The following PRSS33 variants were observed in gnomAD, a reference collection of about 807,000 sequenced individuals.
PRSS33 encodes the protein serine protease 33.
A neutral mutation model predicts 26.7 loss-of-function variants in PRSS33; 32 were observed. The ratio of observed to expected loss-of-function variants is 1.20; its 90% confidence interval spans 0.90 to 1.61. The LOEUF is 1.61. Among genes scored for constraint, PRSS33 ranks in the 40% most tolerant of loss-of-function variants. The pLI is 0.00. For synonymous variants in PRSS33, 192 were observed against 177.6 expected, an observed-to-expected ratio of 1.08 and a Z score of -0.64; for missense variants, 450 against 396.3, an observed-to-expected ratio of 1.14 and a Z score of -1.15.
Position 2,786,227 on chromosome 16 carries a change from G to A in PRSS33, c.47-106C>T, listed in dbSNP as rs1265854279. ...AAGGAGGGTGAAACAATGTTGCCCT[G>A]ACATTGCGCCAGGCTTTCGTGCCGT... On this transcript the variant is annotated intron_variant, in intron 2 of 6. Coordinates refer to ENST00000682474, the MANE Select transcript of PRSS33 (RefSeq NM_152891.3). 4.2e-5 allele frequency: 46 copies of A among 1,086,188 alleles called. 1 individual carries two copies. The highest frequency in any genetic ancestry group is 6.2e-5 in the Non-Finnish European group (44 of 707,054). 67.3% of individuals were successfully genotyped at this position (1,086,188 alleles called of 1,614,324 possible).
At position 2,785,038 on chromosome 16, in the gene PRSS33, A is replaced by C. The variant is rs774153655; in HGVS notation, c.648T>G (p.Cys216Trp). The change falls in exon 6 of 7, where the codon TGT (cysteine) becomes TGG (tryptophan). Residue 216 changes from cysteine to tryptophan, a missense_variant. Coordinates refer to ENST00000682474, the MANE Select transcript of PRSS33 (RefSeq NM_152891.3). ...AERIVLPGSL[C>W]AGYPQGHKDA... ...CCTTGTGGCCCTGGGGGTAGCCGGC[A>C]CACAGACTCCCAGGCAGCACAATGC... 4 of 1,591,050 alleles carry C rather than the reference A, an allele frequency of 2.5e-6. No individual in the cohort carries two copies. The East Asian group carries it at 9.1e-5, about 36-fold the overall frequency.
At chr16:2,785,269 C>A (rs866577680) in intron 5 of PRSS33, 98 bp from the exon 6 acceptor site, 1 of 1,446,674 alleles carries the variant, frequency 6.9e-7, no homozygotes, top group South Asian at 1.4e-5. Context: ...TCCCTAGAAG[C>A]CGCGCTGGGT....
At chr16:2,786,470 G>A (rs751389406) in intron 2 of PRSS33, 32 bp downstream of exon 2, 19 of 1,612,558 alleles carry the variant, frequency 1.2e-5, no homozygotes, top group Admixed American at 1.7e-5. Flanking sequence ...AGGTGTCTGC[G>A]GCCCTCACCC....
At position 2,787,089 on chromosome 16, in the gene PRSS33, C is replaced by T. The variant is rs144025321; in HGVS notation, c.-58+444G>A. Among the ~76,000 whole-genome samples, 94 of 22,102 alleles carry T rather than the reference C, an allele frequency of 4.3e-3. 2 individuals carry two copies. Among genetic ancestry groups the T allele is most frequent in the Non-Finnish European group, 6.7e-3 (73 of 10,866 alleles). 14.5% of individuals were successfully genotyped at this position (22,102 alleles called of 152,430 possible). On this transcript the variant is annotated intron_variant, in intron 1 of 6. Transcript: ENST00000682474. ...CCCCTGCTCCTCCTCACTCCCCTCC[C>T]TCATCCTCACCCCCTCCCTCATCCT...
chr16:2,786,642 C>G, intron 1 of PRSS33, 38 bp from the exon 2 acceptor site: 1 of 1,406,900 alleles, frequency 7.1e-7, no homozygotes, highest in Non-Finnish European at 9.9e-7. Context: ...AGTCCTGGCC[C>G]AGGGGCACCA....
chr16:2,786,247 T>A, intron 2 of PRSS33, 126 bp from the exon 3 acceptor site: 1 of 980,668 alleles, frequency 1.0e-6, no homozygotes, highest in Non-Finnish European at 1.6e-6. Flanking sequence ...CAGGCTTTCG[T>A]GCCGTCTGTT....
At chr16:2,785,769 A>AC in intron 4 of PRSS33, 30 bp downstream of exon 4, 4 of 1,554,316 alleles carry the variant, frequency 2.6e-6, no homozygotes, top group Non-Finnish European at 3.5e-6. Flanking sequence ...TTCCTTGCAC[A>AC]CCCCGCCTGG....
In PRSS33 at chr16:2,786,517, G is replaced by C; in HGVS notation, c.31C>G (p.Leu11Val). Residue 11 changes from leucine (L) to valine (V), a missense_variant, in exon 2 of 7, where the codon CTC becomes GTC. Physicochemically the swap from Leu to Val is conservative, Grantham distance 32. Transcript: ENST00000682474. ...CCCCACTCACCCAGCACCAGAAGGA[G>C]CAGGACCTGGAGACAGGAAACCCCT... MRGVSCLQVLLLLVLGAAGTQ... is the reference protein window; with the variant it reads MRGVSCLQVLVLLVLGAAGTQ... 1 of 1,613,400 alleles carries C rather than the reference G, an allele frequency of 6.2e-7. No homozygotes were observed. The highest frequency in any genetic ancestry group is 8.5e-7 in the Non-Finnish European group (1 of 1,179,730).
rs765928492 is a variant in PRSS33, at chr16:2,784,754, G to A, written c.733C>T (p.Leu245=). The A allele has an allele frequency of 3.1e-6, 5 of 1,609,068 alleles. No individual in the cohort carries two copies. The African/African-American group carries it at 4.0e-5, about 13-fold the overall frequency. The change falls in exon 7 of 7, where the codon CTG becomes TTG. Residue 245 remains leucine (L), a synonymous_variant. Transcript: ENST00000682474. ...LTCLQSGSWV[L]VGVVSWGKGC... ...TTGCCCCAGCTCACCACGCCCACCA[G>A]GACCCAGCTCCCAGACTGCAGGCAG...
rs2068875779 is a variant in PRSS33, at chr16:2,786,504, A to C, written c.44T>G (p.Leu15Arg). ...SCLQVLLLLVLGAAGTQGRKS... is the reference protein window; with the variant it reads ...SCLQVLLLLVRGAAGTQGRKS... ...CCCCAGTCCCTGTCCCCACTCACCC[A>C]GCACCAGAAGGAGCAGGACCTGGAG... Residue 15 changes from leucine to arginine, a missense_variant and splice_region_variant, in exon 2 of 7, where the codon CTG becomes CGG. Leu to Arg is a moderately radical substitution (Grantham distance 102). Coordinates refer to ENST00000682474, the MANE Select transcript of PRSS33 (RefSeq NM_152891.3). 6.2e-7 allele frequency: 1 copy of C among 1,613,046 alleles called. No homozygotes were observed. Among genetic ancestry groups the C allele is most frequent in the Non-Finnish European group, 8.5e-7 (1 of 1,179,596 alleles).
chr16:2,785,942 C>T lies in PRSS33; in HGVS notation c.99G>A (p.Met33Ile). 1 of 1,612,694 alleles carries T rather than the reference C, an allele frequency of 6.2e-7. No individual in the cohort carries two copies. Among genetic ancestry groups the T allele is most frequent in the South Asian group, 1.1e-5 (1 of 91,060 alleles). Residue 33 changes from methionine (M) to isoleucine (I), a missense_variant, in exon 4 of 7, where the codon ATG becomes ATA. Coordinates refer to ENST00000682474, the MANE Select transcript of PRSS33 (RefSeq NM_152891.3). ...CCCGGCCCCCAACGATCCGACTGGA[C>T]ATGCGGGGCTGCCCGCAGGCTAGAA... ...RKSAACGQPR[M>I]SSRIVGGRDG...
chr16:2,785,292 C>G, intron 5 of PRSS33, 83 bp downstream of exon 5: 1 of 1,445,096 alleles, frequency 6.9e-7, no homozygotes, highest in Non-Finnish European at 9.1e-7. Context: ...TGGATTGGGG[C>G]AGTGAGGGGC....
intron 5 of PRSS33, 33 bp downstream of exon 5, chr16:2,785,342 C>T (rs745401260): frequency 5.0e-5 from 73 of 1,448,324 alleles, no homozygotes; most frequent in Non-Finnish European, 6.0e-5. Context: ...TGGGGGCTCC[C>T]GGATGCCTCG....
In PRSS33 at chr16:2,785,775, C is replaced by G. The variant is rs946529783; in HGVS notation, c.242+24G>C. 20 of 1,567,210 alleles carry G rather than the reference C, an allele frequency of 1.3e-5. 2 individuals are homozygous for G. The highest frequency in any genetic ancestry group is 1.6e-5 in the Non-Finnish European group (19 of 1,163,718). On this transcript the variant is annotated intron_variant, in intron 4 of 6. Transcript: ENST00000682474. ...GGCCTTGCCTTCCTTGCACACCCCG[C>G]CTGGGCCCTCGGTGAGCGCTGACCT...
In PRSS33 at chr16:2,784,789, C is replaced by A; in HGVS notation, c.698G>T (p.Gly233Val). ...HKDACQGDSGGPLTCLQSGSW... is the reference protein window; with the variant it reads ...HKDACQGDSGVPLTCLQSGSW... ...CCCAGACTGCAGGCAGGTCAGAGGT[C>A]CCCCAGAATCACCCTGCAGGAGAAA... Residue 233 changes from glycine to valine, a missense_variant, in exon 7 of 7, where the codon GGA (glycine) becomes GTA (valine). Gly to Val is a moderately radical substitution (Grantham distance 109). Coordinates refer to ENST00000682474, the MANE Select transcript of PRSS33 (RefSeq NM_152891.3). The A allele has an allele frequency of 6.2e-7, 1 of 1,606,930 alleles. No individual in the cohort carries two copies. Among genetic ancestry groups the A allele is most frequent in the South Asian group, 1.1e-5 (1 of 89,824 alleles).
chr16:2,786,775 T>G, intron 1 of PRSS33, 171 bp from the exon 2 acceptor site: 1 of 502,348 alleles, frequency 2.0e-6, no homozygotes, highest in Non-Finnish European at 3.6e-6. Flanking sequence ...GGCCCAGGTA[T>G]GCAGCACCCA....
intron 6 of PRSS33, 21 bp downstream of exon 6, chr16:2,784,981 C>A (rs753990780): frequency 1.3e-6 from 2 of 1,593,858 alleles, no homozygotes; most frequent in East Asian, 2.3e-5. Flanking sequence ...ACTCCGGAGG[C>A]TGGGGAGGCT....
chr16:2,786,156 G>T (rs1287022540), intron 2 of PRSS33, 35 bp from the exon 3 acceptor site: 1 of 1,587,122 alleles, frequency 6.3e-7, no homozygotes, highest in East Asian at 2.2e-5. Flanking sequence ...CCAGATTATA[G>T]ATTTGGTGTC....
In PRSS33 at chr16:2,785,869, C is replaced by G; in HGVS notation, c.172G>C (p.Gly58Arg). 6.2e-7 allele frequency: 1 copy of G among 1,609,784 alleles called. No homozygotes were observed. The highest frequency in any genetic ancestry group is 1.1e-5 in the South Asian group (1 of 90,758). The change falls in exon 4 of 7, where the codon GGG (glycine) becomes CGG (arginine). Residue 58 changes from glycine to arginine, a missense_variant. Coordinates refer to ENST00000682474, the MANE Select transcript of PRSS33 (RefSeq NM_152891.3). ...AGCGACCCCCCGCACACGTGTGCCC[C>G]ACGATGCTGGATGCTCGCCTGCCAC... is the stretch of plus-strand genomic sequence containing the variant. ...WPWQASIQHR[G>R]AHVCGGSLIA...
Sources: allele counts gnomAD v4.1 joint callset (sites outside exome capture counted in the v4.1 genomes callset), GRCh38; gene constraint gnomAD v4.1.1; transcripts MANE v1.5; gene names NCBI Gene and HGNC (gene_info 2026-07-23, HGNC 2026-07-21).